Variants in IRF2 observed in about 807,000 individuals in gnomAD.
The protein encoded by IRF2 is interferon regulatory factor 2.
IRF2 carries 15 observed loss-of-function variants against 40.6 expected under a neutral mutation model. That is an observed-to-expected ratio of 0.37 (90% CI 0.25 to 0.57). The LOEUF (loss-of-function observed/expected upper bound fraction) is 0.57, where lower values mean the gene tolerates loss of function less well. Ranked by LOEUF, IRF2 falls within the 20% of genes least tolerant of loss-of-function variation. The probability of loss-of-function intolerance (pLI) is 0.77; values close to 1 mark genes in which losing one functional copy is unlikely to be tolerated. For missense variants in IRF2, 317 were observed against 455.7 expected (o/e 0.70, Z 2.77); for synonymous variants, 151 against 165.5 (o/e 0.91, Z 0.67).
chr4:184,461,929 A>G (rs1396526690), intron 1 of IRF2, among the ~76,000 whole-genome samples: 1 of 151,984 alleles, frequency 6.6e-6, no homozygotes, highest in Non-Finnish European at 1.5e-5. Flanking sequence ...CCCGCCTACA[A>G]TGGAGAGAAG....
At chr4:184,414,064 C>A (rs939320853) in intron 5 of IRF2, among the ~76,000 whole-genome samples, 8 of 152,214 alleles carry the variant, frequency 5.3e-5, no homozygotes, top group African/African-American at 1.9e-4. Context: ...AGCAATGCAG[C>A]CTTGGGAAAA....
chr4:184,394,759 T>C (rs1561081941), intron 7 of IRF2, among the ~76,000 whole-genome samples: 1 of 151,972 alleles, frequency 6.6e-6, no homozygotes, highest in Non-Finnish European at 1.5e-5. Flanking sequence ...TACTAAACCA[T>C]CAACCACCTA....
At chr4:184,424,859 G>A (rs1439297744) in intron 2 of IRF2, among the ~76,000 whole-genome samples, 1 of 152,204 alleles carries the variant, frequency 6.6e-6, no homozygotes, top group South Asian at 2.1e-4. Flanking sequence ...AGAGCCATGT[G>A]ACAACTGCCA....
At chr4:184,449,072 A>G (rs6842395) in intron 1 of IRF2, 22,107 of 152,610 alleles carry the variant, frequency 0.14, 1,970 homozygotes, top group Middle Eastern at 0.33. Flanking sequence ...AACCGAAACC[A>G]GGGGTGAAGA....
intron 6 of IRF2, among the ~76,000 whole-genome samples, chr4:184,399,449 G>A (rs757480830): frequency 6.6e-5 from 10 of 152,186 alleles, no homozygotes; most frequent in East Asian, 5.8e-4. Flanking sequence ...GAACCTGACC[G>A]ATTTCTGCTC....
chr4:184,447,645 G>A lies in IRF2; in HGVS notation c.-6-18575C>T, dbSNP rs969660229. 5.3e-5 allele frequency among the ~76,000 whole-genome samples: 8 copies of A among 152,294 alleles called. No homozygotes were observed. The South Asian group carries it at 1.0e-3, about 20-fold the overall frequency. On this transcript the variant is annotated intron_variant, in intron 1 of 8. Coordinates refer to ENST00000393593, the MANE Select transcript of IRF2 (RefSeq NM_002199.4). ...AATTAAAAGATCAAATGAACGTTAC[G>A]AATTAAGGGGCAAATCAAAAGCATG...
chr4:184,401,529 T>G (rs1411411388), intron 6 of IRF2, among the ~76,000 whole-genome samples: 2 of 152,206 alleles, frequency 1.3e-5, no homozygotes, highest in Non-Finnish European at 2.9e-5. Flanking sequence ...GCCCATTTAT[T>G]TCATCCTTTG....
At chr4:184,411,263 T>TGG (rs1415965505) in intron 5 of IRF2, among the ~76,000 whole-genome samples, 1 of 152,140 alleles carries the variant, frequency 6.6e-6, no homozygotes, top group East Asian at 1.9e-4. Context: ...TTCACCATGT[T>TGG]GGCCAGGCTG....
At position 184,387,819 on chromosome 4, in the gene IRF2, A is replaced by AT. The variant is rs1170929170; in HGVS notation, c.*938dup. Reference sequence around the variant, plus strand: ...TAAAAGCTTTTTTCACCTTTACAAAATTAAAAAAAAAAATGTGCCACAAGG... The same window carrying AT: ...TAAAAGCTTTTTTCACCTTTACAAAATTTAAAAAAAAAAATGTGCCACAAGG... On this transcript the variant is annotated 3_prime_UTR_variant, in exon 9 of 9. Coordinates refer to ENST00000393593, the MANE Select transcript of IRF2 (RefSeq NM_002199.4). The AT allele has an allele frequency of 7.1e-5, 9 of 127,064 alleles. No individual in the cohort carries two copies. The highest frequency in any genetic ancestry group is 1.7e-5 in the Non-Finnish European group (1 of 57,516). The allele number at this position is 127,064 out of a possible 1,614,324, so 7.9% of individuals were successfully genotyped here.
intron 5 of IRF2, among the ~76,000 whole-genome samples, chr4:184,414,541 A>C (rs1274898373): frequency 1.3e-5 from 2 of 152,204 alleles, no homozygotes; most frequent in African/African-American, 4.8e-5. Flanking sequence ...ATAACCAGTT[A>C]CCGCCGCACA....
intron 1 of IRF2, among the ~76,000 whole-genome samples, chr4:184,445,036 C>T (rs1738451615): frequency 6.6e-6 from 1 of 152,196 alleles, no homozygotes; most frequent in African/African-American, 2.4e-5. Context: ...CATGAGTCCC[C>T]AGCTGAGTCC....
chr4:184,455,675 T>C (rs1210700223), intron 1 of IRF2, among the ~76,000 whole-genome samples: 2 of 152,114 alleles, frequency 1.3e-5, no homozygotes, highest in African/African-American at 2.4e-5. Flanking sequence ...GCGGATGATA[T>C]TAACTATACG....
chr4:184,418,611 C>T lies in IRF2; in HGVS notation c.285G>A (p.Lys95=). Reference sequence around the variant, plus strand: ...TATTTCCTTTCTTTATGCTTTTATCCTTGACTTCTTCAATATCAGGCAAGG... The same window carrying T: ...TATTTCCTTTCTTTATGCTTTTATCTTTGACTTCTTCAATATCAGGCAAGG... ...MNSLPDIEEV[K]DKSIKKGNNA... The change falls in exon 4 of 9, where the codon AAG becomes AAA. Residue 95 remains lysine, a synonymous_variant. Transcript: ENST00000393593. 2 of 1,614,132 alleles carry T rather than the reference C, an allele frequency of 1.2e-6. No homozygotes were observed. The highest frequency in any genetic ancestry group is 1.3e-5 in the African/African-American group (1 of 75,042).
At position 184,408,057 on chromosome 4, in the gene IRF2, T is replaced by A; in HGVS notation, c.529+101A>T. 1.4e-6 allele frequency: 1 copy of A among 691,674 alleles called. No homozygotes were observed. The highest frequency in any genetic ancestry group is 2.6e-6 in the Non-Finnish European group (1 of 385,710). The allele number at this position is 691,674 out of a possible 1,614,324, so 42.8% of individuals were successfully genotyped here. ...TGCATTCTGAGATGATTCCAAGACC[T>A]CCTCCCACTGACTATGTTATTTGAA... is the stretch of plus-strand genomic sequence containing the variant. On this transcript the variant is annotated intron_variant, in intron 6 of 8. Coordinates refer to ENST00000393593, the MANE Select transcript of IRF2 (RefSeq NM_002199.4). This position sits in a 1 kb window ranked among gnomAD's most constrained non-coding sequence, Gnocchi z 4.9.
intron 1 of IRF2, among the ~76,000 whole-genome samples, chr4:184,433,147 T>C (rs1363708565): frequency 6.6e-6 from 1 of 152,102 alleles, no homozygotes; most frequent in Non-Finnish European, 1.5e-5. Flanking sequence ...AAAAGAATGA[T>C]AGGGTCAGTT....
intron 1 of IRF2, among the ~76,000 whole-genome samples, chr4:184,472,954 A>G (rs2149922292): frequency 6.6e-6 from 1 of 152,282 alleles, no homozygotes; most frequent in South Asian, 2.1e-4. Flanking sequence ...CCGGGGGCCA[A>G]GGGGAGACGC....
In IRF2 at chr4:184,408,188, T is replaced by G; in HGVS notation, c.499A>C (p.Asn167His). The G allele has an allele frequency of 6.2e-7, 1 of 1,609,590 alleles. No homozygotes were observed. Among genetic ancestry groups the G allele is most frequent in the African/African-American group, 1.3e-5 (1 of 74,952 alleles). The change falls in exon 6 of 9, where the codon AAT becomes CAT. Residue 167 changes from asparagine (N) to histidine (H), a missense_variant. Coordinates refer to ENST00000393593, the MANE Select transcript of IRF2 (RefSeq NM_002199.4). The surrounding 1 kb of genome is among the most constrained non-coding windows in gnomAD (Gnocchi z 4.9). ...ATGTTCACCGTACTATCCACTTCATTTTTTATAGTTGAAGTCAGGACCGCA... is the reference window on the plus strand; with the variant it reads ...ATGTTCACCGTACTATCCACTTCATGTTTTATAGTTGAAGTCAGGACCGCA... ...EYAVLTSTIK[N>H]EVDSTVNIIV... is the part of the protein sequence containing the mutation.
In IRF2 at chr4:184,399,053, T is replaced by G. The variant is rs1428179555; in HGVS notation, c.556A>C (p.Asn186His). The change falls in exon 7 of 9, where the codon AAC (asparagine) becomes CAC (histidine). Residue 186 changes from asparagine to histidine, a missense_variant. By Grantham distance (68) the Asn-to-His change is moderately conservative. Coordinates refer to ENST00000393593, the MANE Select transcript of IRF2 (RefSeq NM_002199.4). Reference sequence around the variant, plus strand: ...GTGACAATCTCTTGATTCTCAATGTTGCTGTCCAGATGGGACTGTCCTACA... The same window carrying G: ...GTGACAATCTCTTGATTCTCAATGTGGCTGTCCAGATGGGACTGTCCTACA... ...IVVGQSHLDSNIENQEIVTNP... is the reference protein window; with the variant it reads ...IVVGQSHLDSHIENQEIVTNP... The G allele has an allele frequency of 1.2e-6, 2 of 1,610,716 alleles. No homozygotes were observed. Among genetic ancestry groups the G allele is most frequent in the Non-Finnish European group, 1.7e-6 (2 of 1,178,330 alleles).
chr4:184,451,669 A>G (rs34563207), intron 1 of IRF2, among the ~76,000 whole-genome samples: 2,119 of 152,326 alleles, frequency 0.014, 21 homozygotes, highest in Middle Eastern at 0.027. Flanking sequence ...ATCCTGAAAC[A>G]TAAATGCTAG....
Sources: gnomAD v4.1 joint callset for allele counts (sites outside exome capture counted in the v4.1 genomes callset) on GRCh38, gnomAD v4.1.1 for gene constraint, Gnocchi (gnomAD v3.1) non-coding constraint, MANE v1.5 for transcripts, NCBI Gene and HGNC (gene_info 2026-07-23, HGNC 2026-07-21) for gene names.